Variants in CELSR3 observed in about 807,000 individuals in gnomAD.
CELSR3 encodes EGF-like protein 1.
CELSR3 carries 73 observed loss-of-function variants against 270.0 expected under a neutral mutation model. That is an observed-to-expected ratio of 0.27 (90% CI 0.22 to 0.33). The LOEUF (loss-of-function observed/expected upper bound fraction) is 0.33. Among genes scored for constraint, CELSR3 ranks in the 10% least tolerant of loss-of-function variants. The pLI, the probability that CELSR3 is intolerant of heterozygous loss-of-function variation, is 1.00. For missense variants in CELSR3, 3,614 were observed against 4,533.8 expected, an observed-to-expected ratio of 0.80 and a Z score of 5.83; for synonymous variants, 1,780 against 1,905.4, an observed-to-expected ratio of 0.93 and a Z score of 1.71.
At chr3:48,643,193 T>C (rs1395049749) in intron 28 of CELSR3, 110 bp from the exon 29 acceptor site, 2 of 752,976 alleles carry the variant, frequency 2.7e-6, no homozygotes, top group Non-Finnish European at 4.6e-6. Context: ...TGTGGGTCAG[T>C]GAGGAGCCCA....
Position 48,655,802 on chromosome 3 carries a change from T to A in CELSR3, c.4675A>T (p.Asn1559Tyr). Residue 1559 changes from asparagine to tyrosine, a missense_variant, in exon 4 of 35, where the codon AAC becomes TAC. Asn to Tyr is a moderately radical substitution (Grantham distance 143, BLOSUM62 -2). Coordinates refer to ENST00000164024, the MANE Select transcript of CELSR3 (RefSeq NM_001407.3). This position sits in a 1 kb window ranked among gnomAD's most constrained non-coding sequence, Gnocchi z 5.8. ...SGLLFYNGRL[N>Y]EKHDFLALEL... is the part of the protein sequence containing the mutation. ...AGGGCCAGGAAGTCGTGCTTCTCGT[T>A]CAGGCGCCCGTTGTAGAAGAGCAGC... 6.4e-7 allele frequency: 1 copy of A among 1,560,808 alleles called. No homozygotes were observed. Among genetic ancestry groups the A allele is most frequent in the Non-Finnish European group, 8.7e-7 (1 of 1,149,014 alleles).
intron 20 of CELSR3, 98 bp from the exon 21 acceptor site, chr3:48,647,026 T>C: frequency 8.3e-7 from 1 of 1,208,630 alleles, no homozygotes; most frequent in Non-Finnish European, 1.1e-6. Flanking sequence ...GTCTCTTCCC[T>C]GCAGGAGCAG....
Position 48,646,793 on chromosome 3 carries a change from G to A in CELSR3, c.7265C>T (p.Ala2422Val), listed in dbSNP as rs1242085015. ...VYRTLGGLLPAQFQAERRGAR... is the reference protein window; with the variant it reads ...VYRTLGGLLPVQFQAERRGAR... ...ACCTCGGCGTTCTGCCTGGAACTGG[G>A]CAGGGAGCAGTCCCCCTAAGGTGCG... The change falls in exon 21 of 35, where the codon GCC (alanine) becomes GTC (valine). Residue 2422 changes from alanine to valine, a missense_variant. Physicochemically the swap from Ala to Val is moderately conservative, Grantham distance 64. Coordinates refer to ENST00000164024, the MANE Select transcript of CELSR3 (RefSeq NM_001407.3). The surrounding 1 kb of genome is among the most constrained non-coding windows in gnomAD (Gnocchi z 4.8). 1.2e-6 allele frequency: 2 copies of A among 1,610,576 alleles called. No individual in the cohort carries two copies. The highest frequency in any genetic ancestry group is 1.7e-6 in the Non-Finnish European group (2 of 1,179,002).
Position 48,641,638 on chromosome 3 carries a change from A to G in CELSR3, c.8825-114T>C. On this transcript the variant is annotated intron_variant, in intron 32 of 34. Coordinates refer to ENST00000164024, the MANE Select transcript of CELSR3 (RefSeq NM_001407.3). The surrounding 1 kb of genome is among the most constrained non-coding windows in gnomAD (Gnocchi z 4.8). Reference sequence around the variant, plus strand: ...GTTCTCATTGAGCAGAGGTGGGAACAGGAGGGTATCTCCTCAGAGATCAAT... The same window carrying G: ...GTTCTCATTGAGCAGAGGTGGGAACGGGAGGGTATCTCCTCAGAGATCAAT... The G allele has an allele frequency of 1.1e-6, 1 of 880,754 alleles. No homozygotes were observed. Among genetic ancestry groups the G allele is most frequent in the African/African-American group, 1.7e-5 (1 of 59,654 alleles). The allele number at this position is 880,754 out of a possible 1,614,324, so 54.6% of individuals were successfully genotyped here.
Position 48,641,577 on chromosome 3 carries a change from T to G in CELSR3, c.8825-53A>C, listed in dbSNP as rs1198971163. The G allele has an allele frequency of 8.3e-6, 11 of 1,318,002 alleles. No homozygotes were observed. The highest frequency in any genetic ancestry group is 1.2e-5 in the Non-Finnish European group (11 of 922,284). The allele number at this position is 1,318,002 out of a possible 1,614,324, so 81.6% of individuals were successfully genotyped here. A position where few individuals can be genotyped will look rare whatever the true frequency, so the allele number is the denominator to read the frequency against. On this transcript the variant is annotated intron_variant, in intron 32 of 34. Coordinates refer to ENST00000164024, the MANE Select transcript of CELSR3 (RefSeq NM_001407.3). This position sits in a 1 kb window ranked among gnomAD's most constrained non-coding sequence, Gnocchi z 4.8. ...CTTCTGGGTTGATCCCAGTGACTCATGACCCCTGACCCTAATGACCCTTGA... is the reference window on the plus strand; with the variant it reads ...CTTCTGGGTTGATCCCAGTGACTCAGGACCCCTGACCCTAATGACCCTTGA...
chr3:48,661,712 G>A lies in CELSR3; in HGVS notation c.923C>T (p.Thr308Ile), dbSNP rs374177203. 40 of 1,574,304 alleles carry A rather than the reference G, an allele frequency of 2.5e-5. No individual in the cohort carries two copies. The highest frequency in any genetic ancestry group is 3.3e-5 in the Non-Finnish European group (38 of 1,159,884). Residue 308 changes from threonine (T) to isoleucine (I), a missense_variant, in exon 1 of 35, where the codon ACC becomes ATC. By Grantham distance (89) the Thr-to-Ile change is moderately conservative (BLOSUM62 -1). Around this residue, in one of 7 missense-constraint regions of CELSR3, gnomAD observed 470 missense variants for 469.7 expected, o/e 1.00. Transcript: ENST00000164024. The stretch of plus-strand genomic sequence containing the variant: ...ACGAAAGCGTGCCCGGTTCGCCGAG[G>A]TTACTTTCCTGGCTTCAGGACGGGC... ...LPARPEARKV[T>I]SANRARFRRA...
rs759534857 is a variant in CELSR3, at chr3:48,646,217, C to T, written c.7336G>A (p.Val2446Met). The stretch of plus-strand genomic sequence containing the variant: ...AAGTTGCGTCCGTGGAACACAGCCA[C>T]GCTGACCACCGGGGAGTTCATGACG... ...NPVMNSPVVS[V>M]AVFHGRNFLR... Residue 2446 changes from valine (V) to methionine (M), a missense_variant, in exon 22 of 35, where the codon GTG becomes ATG. Physicochemically the swap from Val to Met is conservative, Grantham distance 21. This residue lies in a region of CELSR3 where 1,240 missense variants were observed against 1,351.7 expected (regional missense o/e 0.92). Transcript: ENST00000164024. The surrounding 1 kb of genome is among the most constrained non-coding windows in gnomAD (Gnocchi z 4.8). 2.9e-5 allele frequency: 47 copies of T among 1,612,622 alleles called. No individual in the cohort carries two copies. The highest frequency in any genetic ancestry group is 2.7e-4 in the East Asian group (12 of 44,892).
rs921393691 is a variant in CELSR3 at position 48,637,165 on chromosome 3, C to T, written c.*1040G>A. ...AAAGTAAGAGTTTTGTGAACAGGGT[C>T]GTAACAGTCATTTTTCCCTTTTTAA... is the stretch of plus-strand genomic sequence containing the variant. On this transcript the variant is annotated 3_prime_UTR_variant, in exon 35 of 35. Coordinates refer to ENST00000164024, the MANE Select transcript of CELSR3 (RefSeq NM_001407.3). The T allele has an allele frequency of 2.6e-5, 4 of 152,514 alleles. No homozygotes were observed. The highest frequency in any genetic ancestry group is 1.9e-4 in the East Asian group (1 of 5,202). 9.4% of individuals were successfully genotyped at this position (152,514 alleles called of 1,614,324 possible). A position where few individuals can be genotyped will look rare whatever the true frequency, so the allele number is the denominator to read the frequency against.
rs750373940 is a variant in CELSR3, at chr3:48,658,932, C to T, written c.3703G>A (p.Asp1235Asn). Residue 1235 changes from aspartate (D) to asparagine (N), a missense_variant, in exon 1 of 35, where the codon GAC becomes AAC. By Grantham distance (23) the Asp-to-Asn change is conservative (BLOSUM62 1). This residue lies in a region of CELSR3 where 1,331 missense variants were observed against 1,933.7 expected (regional missense o/e 0.69). Coordinates refer to ENST00000164024, the MANE Select transcript of CELSR3 (RefSeq NM_001407.3). The surrounding 1 kb of genome is among the most constrained non-coding windows in gnomAD (Gnocchi z 4.7). ...GAGGCCACCAGTGGGCGGTTATTGTCTAGCTTTCGGCTGAGTCGCAGCTCC... is the reference window on the plus strand; with the variant it reads ...GAGGCCACCAGTGGGCGGTTATTGTTTAGCTTTCGGCTGAGTCGCAGCTCC... ...SGELRLSRKL[D>N]NNRPLVASML... is the part of the protein sequence containing the mutation. 2 of 1,614,198 alleles carry T rather than the reference C, an allele frequency of 1.2e-6. No individual in the cohort carries two copies. Among genetic ancestry groups the T allele is most frequent in the Admixed American group, 1.7e-5 (1 of 60,018 alleles).
At position 48,658,066 on chromosome 3, in the gene CELSR3, A is replaced by T. The variant is rs1336537233; in HGVS notation, c.3749-718T>A. ...TGGTTTCACAGTGACCACCCCAGAG[A>T]TGAAGGTGAGGTGCTTAGCTGCCTT... On this transcript the variant is annotated intron_variant, in intron 1 of 34. Transcript: ENST00000164024. The surrounding 1 kb of genome is among the most constrained non-coding windows in gnomAD (Gnocchi z 4.7). Among the ~76,000 whole-genome samples, 1 of 152,180 alleles carries T rather than the reference A, an allele frequency of 6.6e-6. No homozygotes were observed. Among genetic ancestry groups the T allele is most frequent in the Non-Finnish European group, 1.5e-5 (1 of 68,030 alleles).
chr3:48,645,977 C>T lies in CELSR3; in HGVS notation c.7464-109G>A, dbSNP rs1220200723. 2 of 1,571,296 alleles carry T rather than the reference C, an allele frequency of 1.3e-6. No individual in the cohort carries two copies. The highest frequency in any genetic ancestry group is 1.8e-5 in the Admixed American group (1 of 57,118). On this transcript the variant is annotated intron_variant, in intron 22 of 34. Coordinates refer to ENST00000164024, the MANE Select transcript of CELSR3 (RefSeq NM_001407.3). This position sits in a 1 kb window ranked among gnomAD's most constrained non-coding sequence, Gnocchi z 5.4. ...CCTGGAGTTGGGGTACAGCATTCCT[C>T]ATGGTCCGGGTTGCACAACAGCACT...
chr3:48,652,979 T>C lies in CELSR3; in HGVS notation c.5634+23A>G. ...TCTGGTTGGAAGGCTGAGAACAGAC[T>C]ACCCCGGGGTCAGAGGCCAGACCTG... On this transcript the variant is annotated intron_variant, in intron 10 of 34. Transcript: ENST00000164024. The surrounding 1 kb of genome is among the most constrained non-coding windows in gnomAD (Gnocchi z 4.3). 3 of 1,606,238 alleles carry C rather than the reference T, an allele frequency of 1.9e-6. No homozygotes were observed. The highest frequency in any genetic ancestry group is 2.6e-6 in the Non-Finnish European group (3 of 1,174,814).
rs546054925 is a variant in CELSR3, at chr3:48,654,688, A to G, written c.4989-236T>C. 7.2e-5 allele frequency among the ~76,000 whole-genome samples: 11 copies of G among 152,062 alleles called. No individual in the cohort carries two copies. The highest frequency in any genetic ancestry group is 1.6e-4 in the Non-Finnish European group (11 of 68,008). On this transcript the variant is annotated intron_variant, in intron 6 of 34. Transcript: ENST00000164024. The surrounding 1 kb of genome is among the most constrained non-coding windows in gnomAD (Gnocchi z 5.4). ...AATGGGGGTTGAGAGCTATGATGAAAGAATGAGGCATCTGGCTGGCTGGGG... is the reference window on the plus strand; with the variant it reads ...AATGGGGGTTGAGAGCTATGATGAAGGAATGAGGCATCTGGCTGGCTGGGG...
At position 48,653,930 on chromosome 3, in the gene CELSR3, G is replaced by T; in HGVS notation, c.5226C>A (p.Gly1742=). ...KNSGFCSERW[G]SFSCDCPVGF... is the part of the protein sequence containing the mutation. ...CCACAGGGCAGTCGCAGCTGAAGCTGCCCCAGCGCTCCGAGCAGAAGCCAC... is the reference window on the plus strand; with the variant it reads ...CCACAGGGCAGTCGCAGCTGAAGCTTCCCCAGCGCTCCGAGCAGAAGCCAC... The change falls in exon 8 of 35, where the codon GGC becomes GGA. Residue 1742 remains glycine, a synonymous_variant. Transcript: ENST00000164024. The surrounding 1 kb of genome is among the most constrained non-coding windows in gnomAD (Gnocchi z 6.5). 6.2e-7 allele frequency: 1 copy of T among 1,613,532 alleles called. No homozygotes were observed. The highest frequency in any genetic ancestry group is 1.1e-5 in the South Asian group (1 of 91,086).
Position 48,656,382 on chromosome 3 carries a change from G to C in CELSR3, c.4400-17C>G, listed in dbSNP as rs1415806173. ...AGTCCTCTCCTGGGGGCCAAGCCGC[G>C]GTCAGAGGCGGTCACGCCCACGCCC... On this transcript the variant is annotated splice_polypyrimidine_tract_variant and intron_variant, in intron 2 of 34. Transcript: ENST00000164024. The C allele has an allele frequency of 2.9e-6, 4 of 1,397,088 alleles. No homozygotes were observed. The highest frequency in any genetic ancestry group is 1.8e-6 in the Non-Finnish European group (2 of 1,087,628). The allele number at this position is 1,397,088 out of a possible 1,614,324, so 86.5% of individuals were successfully genotyped here.
chr3:48,657,111 C>G lies in CELSR3; in HGVS notation c.3986G>C (p.Ser1329Thr). Residue 1329 changes from serine to threonine, a missense_variant, in exon 2 of 35, where the codon AGT becomes ACT. By Grantham distance (58) the Ser-to-Thr change is moderately conservative. Coordinates refer to ENST00000164024, the MANE Select transcript of CELSR3 (RefSeq NM_001407.3). The surrounding 1 kb of genome is among the most constrained non-coding windows in gnomAD (Gnocchi z 5.4). ...CCCACGTGGAGCTAGCGCCGAGAAA[C>G]TCACATTGAGCACGGTGCCCCCTAC... ...TDVGGTVLNV[S>T]FSALAPRGAG... 1 of 1,613,980 alleles carries G rather than the reference C, an allele frequency of 6.2e-7. No homozygotes were observed. The highest frequency in any genetic ancestry group is 8.5e-7 in the Non-Finnish European group (1 of 1,179,954).
At position 48,659,599 on chromosome 3, in the gene CELSR3, A is replaced by G; in HGVS notation, c.3036T>C (p.Ile1012=). 1 of 1,614,214 alleles carries G rather than the reference A, an allele frequency of 6.2e-7. No individual in the cohort carries two copies. The highest frequency in any genetic ancestry group is 8.5e-7 in the Non-Finnish European group (1 of 1,180,040). Residue 1012 remains isoleucine (I), a synonymous_variant, in exon 1 of 35, where the codon ATT becomes ATC. Coordinates refer to ENST00000164024, the MANE Select transcript of CELSR3 (RefSeq NM_001407.3). The surrounding 1 kb of genome is among the most constrained non-coding windows in gnomAD (Gnocchi z 8.1). ...TACGGACAATTCCAGAGGTGGGCTCAATGGTAAAATCTCCATCCCCATCTT... is the reference window on the plus strand; with the variant it reads ...TACGGACAATTCCAGAGGTGGGCTCGATGGTAAAATCTCCATCCCCATCTT... ...NGEDGDGDFT[I]EPTSGIVRTV...
rs1441183936 is a variant in CELSR3 at position 48,644,438 on chromosome 3, G to A, written c.8086-143C>T. 1 of 748,666 alleles carries A rather than the reference G, an allele frequency of 1.3e-6. No individual in the cohort carries two copies. Among genetic ancestry groups the A allele is most frequent in the East Asian group, 2.7e-5 (1 of 37,090 alleles). The allele number at this position is 748,666 out of a possible 1,614,324, so 46.4% of individuals were successfully genotyped here. ...TCACACATATACACACACACCAAAG[G>A]AGCTTAGCATCACAGAAAAAGAAAT... On this transcript the variant is annotated intron_variant, in intron 26 of 34. Coordinates refer to ENST00000164024, the MANE Select transcript of CELSR3 (RefSeq NM_001407.3). The surrounding 1 kb of genome is among the most constrained non-coding windows in gnomAD (Gnocchi z 4.8).
Position 48,651,439 on chromosome 3 carries a change from T to C in CELSR3, c.6106A>G (p.Thr2036Ala), listed in dbSNP as rs1191729424. Residue 2036 changes from threonine (T) to alanine (A), a missense_variant, in exon 14 of 35, where the codon ACC becomes GCC. Physicochemically the swap from Thr to Ala is moderately conservative, Grantham distance 58. This residue lies in a region of CELSR3 where 1,331 missense variants were observed against 1,933.7 expected (regional missense o/e 0.69). Transcript: ENST00000164024. The surrounding 1 kb of genome is among the most constrained non-coding windows in gnomAD (Gnocchi z 7.4). ...QCPRGWWGSPTCGPCNCDVHK... is the reference protein window; with the variant it reads ...QCPRGWWGSPACGPCNCDVHK... Reference sequence around the variant, plus strand: ...ACATCACAGTTGCAGGGGCCACAGGTTGGGCTCCCCCACCAGCCCCGTGGG... The same window carrying C: ...ACATCACAGTTGCAGGGGCCACAGGCTGGGCTCCCCCACCAGCCCCGTGGG... 4 of 1,613,804 alleles carry C rather than the reference T, an allele frequency of 2.5e-6. No individual in the cohort carries two copies. The highest frequency in any genetic ancestry group is 2.7e-5 in the African/African-American group (2 of 74,914).
Sources: gnomAD v4.1 joint callset for allele counts (sites outside exome capture counted in the v4.1 genomes callset) on GRCh38, gnomAD v4.1.1 for gene constraint, gnomAD v4.1.1 regional missense constraint, Gnocchi (gnomAD v3.1) non-coding constraint, MANE v1.5 for transcripts, NCBI Gene and HGNC (gene_info 2026-07-23, HGNC 2026-07-21) for gene names.